The following POLA2 variants were observed in gnomAD, a reference collection of about 807,000 sequenced individuals.
The protein encoded by POLA2 is DNA polymerase alpha 2, accessory subunit.
In POLA2, 47 loss-of-function variants were observed where a neutral mutation model predicts 82.8. That is an observed-to-expected ratio of 0.57 (90% CI 0.45 to 0.72). POLA2 has a LOEUF of 0.72. Ranked by LOEUF, POLA2 falls within the 30% of genes least tolerant of loss-of-function variation. The pLI is 0.00. For synonymous variants in POLA2, 287 were observed against 286.8 expected (o/e 1.00, Z -0.01); for missense variants, 634 against 728.1 (o/e 0.87, Z 1.49).
At chr11:65,292,099 TGTG>T (rs1315744595) in intron 13 of POLA2, among the ~76,000 whole-genome samples, 1 of 152,064 alleles carries the variant, frequency 6.6e-6, no homozygotes, top group Non-Finnish European at 1.5e-5. Flanking sequence ...ATTAGCCAGA[TGTG>T]GTGGTGGGTG....
intron 4 of POLA2, 72 bp from the exon 5 acceptor site, chr11:65,275,820 C>T: frequency 1.3e-6 from 1 of 787,988 alleles, no homozygotes; most frequent in Non-Finnish European, 2.1e-6. Context: ...CCCTTTTCTT[C>T]CAAGGTACTA....
chr11:65,263,967 C>G (rs546168946), intron 1 of POLA2, among the ~76,000 whole-genome samples: 86 of 152,328 alleles, frequency 5.6e-4, no homozygotes, highest in South Asian at 5.4e-3. Context: ...TTGCTTTCAT[C>G]TCATGGCAAT....
At chr11:65,264,968 C>T (rs1264154793) in intron 1 of POLA2, among the ~76,000 whole-genome samples, 1 of 152,208 alleles carries the variant, frequency 6.6e-6, no homozygotes, top group Non-Finnish European at 1.5e-5. Flanking sequence ...CGGTGGCTCA[C>T]GCCTGTAATC....
chr11:65,294,828 G>A, intron 15 of POLA2, 176 bp downstream of exon 15: 1 of 489,802 alleles, frequency 2.0e-6, no homozygotes, highest in Non-Finnish European at 3.6e-6. Flanking sequence ...GGGAGGGGTT[G>A]GATGCATTAG....
intron 4 of POLA2, among the ~76,000 whole-genome samples, chr11:65,270,720 A>T (rs1313431390): frequency 6.6e-6 from 1 of 152,178 alleles, no homozygotes; most frequent in Non-Finnish European, 1.5e-5. Flanking sequence ...CACCAGGTCC[A>T]CAGCATCATT....
chr11:65,283,098 T>C (rs950349774), intron 10 of POLA2, among the ~76,000 whole-genome samples: 3 of 152,172 alleles, frequency 2.0e-5, no homozygotes, highest in African/African-American at 7.2e-5. Context: ...ACCATTTTAC[T>C]CCAGCCTGTG....
chr11:65,295,316 C>T (rs569579592), intron 15 of POLA2, among the ~76,000 whole-genome samples: 1 of 152,136 alleles, frequency 6.6e-6, no homozygotes, highest in Non-Finnish European at 1.5e-5. Flanking sequence ...ATGAGGGATT[C>T]CTGTGCTTTC....
intron 4 of POLA2, among the ~76,000 whole-genome samples, chr11:65,268,966 T>G (rs1949492448): frequency 6.6e-6 from 1 of 152,214 alleles, no homozygotes; most frequent in African/African-American, 2.4e-5. Flanking sequence ...TAAACATAAT[T>G]TCTCCATAAT....
At chr11:65,295,483 G>A (rs1228034839) in intron 15 of POLA2, 57 bp from the exon 16 acceptor site, 1 of 1,434,296 alleles carries the variant, frequency 7.0e-7, no homozygotes, top group Non-Finnish European at 9.8e-7. Flanking sequence ...AGTCCTCCCT[G>A]AAGAGAAATG....
At chr11:65,279,809 G>A in intron 7 of POLA2, 183 bp downstream of exon 7, 2 of 540,342 alleles carry the variant, frequency 3.7e-6, no homozygotes, top group South Asian at 5.0e-5. Context: ...CTGGTTTTGT[G>A]GCCAGAGAGT....
At chr11:65,275,868 T>G in intron 4 of POLA2, 24 bp from the exon 5 acceptor site, 1 of 1,403,464 alleles carries the variant, frequency 7.1e-7, no homozygotes, top group South Asian at 1.2e-5. Flanking sequence ...GGACTGAGAT[T>G]TTGTTTTCCT....
chr11:65,269,625 G>A (rs963094737), intron 4 of POLA2, among the ~76,000 whole-genome samples: 3 of 152,190 alleles, frequency 2.0e-5, no homozygotes, highest in Admixed American at 2.0e-4. Context: ...ATCTTGGAGG[G>A]CTTGAAGAGG....
chr11:65,305,781 T>G (rs368832368), downstream of POLA2, among the ~76,000 whole-genome samples: 1 of 152,158 alleles, frequency 6.6e-6, no homozygotes, highest in Non-Finnish European at 1.5e-5. Flanking sequence ...CGTGCATGTG[T>G]GAAAGGGCTT....
intron 4 of POLA2, among the ~76,000 whole-genome samples, chr11:65,270,294 A>T (rs1268835029): frequency 2.6e-5 from 4 of 152,154 alleles, no homozygotes; most frequent in African/African-American, 9.7e-5. Context: ...AGGCAGGAGG[A>T]TCAGTGACCA....
intron 10 of POLA2, among the ~76,000 whole-genome samples, chr11:65,283,494 G>C (rs1229535317): frequency 6.6e-6 from 1 of 151,434 alleles, no homozygotes; most frequent in Non-Finnish European, 1.5e-5. Flanking sequence ...TTTTGAGATG[G>C]AGTCTCGCTC....
At chr11:65,296,069 C>G in intron 17 of POLA2, 79 bp downstream of exon 17, 1 of 1,536,284 alleles carries the variant, frequency 6.5e-7, no homozygotes, top group African/African-American at 1.4e-5. Context: ...CCGGCACTCA[C>G]CCCTCATGGG....
chr11:65,296,108 C>T (rs1949808617), intron 17 of POLA2, 118 bp downstream of exon 17: 4 of 1,109,782 alleles, frequency 3.6e-6, no homozygotes, highest in Non-Finnish European at 5.4e-6. Context: ...GCCTCTAGCA[C>T]CCTGCCCTGT....
At chr11:65,300,116 T>TC (rs1279051678), downstream of POLA2, among the ~76,000 whole-genome samples, 2 of 152,196 alleles carry the variant, frequency 1.3e-5, no homozygotes, top group African/African-American at 4.8e-5. Flanking sequence ...TCTAATCCCA[T>TC]CCCCTGGCAA....
downstream of POLA2, among the ~76,000 whole-genome samples, chr11:65,299,008 C>T (rs952993305): frequency 2.0e-5 from 3 of 152,248 alleles, no homozygotes; most frequent in Non-Finnish European, 4.4e-5. Flanking sequence ...GTCTGGCAGG[C>T]GTGCCTCTGC....
Sources: allele counts gnomAD v4.1 joint callset (sites outside exome capture counted in the v4.1 genomes callset), GRCh38; gene constraint gnomAD v4.1.1; transcripts MANE v1.5; gene names NCBI Gene and HGNC (gene_info 2026-07-23, HGNC 2026-07-21).